The following NRXN1 variants were observed in gnomAD, a reference collection of about 807,000 sequenced individuals.
The protein encoded by NRXN1 is neurexin 1.
A neutral mutation model predicts 150.9 loss-of-function variants in NRXN1; 39 were observed. That is an observed-to-expected ratio of 0.26 (90% CI 0.20 to 0.34). NRXN1 has a LOEUF of 0.34. Ranked by LOEUF, NRXN1 falls within the 10% of genes least tolerant of loss-of-function variation. The probability of loss-of-function intolerance (pLI) is 1.00; values close to 1 mark genes in which losing one functional copy is unlikely to be tolerated. For synonymous variants in NRXN1, 924 were observed against 757.0 expected (o/e 1.22, Z -3.62); for missense variants, 1,815 against 1,949.9 (o/e 0.93, Z 1.30).
chr2:50,193,055 C>T (rs2061546627), intron 18 of NRXN1, among the ~76,000 whole-genome samples: 1 of 152,136 alleles, frequency 6.6e-6, no homozygotes, highest in Admixed American at 6.6e-5. Context: ...CATGTAAGAA[C>T]AATATTTTCC....
Position 50,346,900 on chromosome 2 carries a change from C to CCGCCGA in NRXN1, c.3365-109931_3365-109930insTCGGCG, listed in dbSNP as rs1488321830. On this transcript the variant is annotated intron_variant, in intron 17 of 22. Transcript: ENST00000401669. This position sits in a 1 kb window ranked among gnomAD's most constrained non-coding sequence, Gnocchi z 5.0. ...GCCGCCGCCGCCGCCGCCGCCGCCG[C>CCGCCGA]CCCCGGGCGAGCCCAGCTCGGCGCC... 3.9e-6 allele frequency: 5 copies of CCGCCGA among 1,296,702 alleles called. No individual in the cohort carries two copies. Among genetic ancestry groups the CCGCCGA allele is most frequent in the Non-Finnish European group, 3.9e-6 (4 of 1,024,250 alleles). The allele number at this position is 1,296,702 out of a possible 1,614,324, so 80.3% of individuals were successfully genotyped here.
At chr2:49,983,007 C>T (rs774376800) in intron 21 of NRXN1, among the ~76,000 whole-genome samples, 16 of 152,096 alleles carry the variant, frequency 1.1e-4, no homozygotes, top group Non-Finnish European at 1.8e-4. Context: ...ACGCCCTTTT[C>T]CCATTTAAAT....
chr2:50,860,258 G>GAA (rs370246861), intron 5 of NRXN1, among the ~76,000 whole-genome samples: 2 of 141,600 alleles, frequency 1.4e-5, no homozygotes, highest in African/African-American at 5.1e-5. Flanking sequence ...AACAACATCA[G>GAA]AAAAAAAAAA....
chr2:50,302,426 A>G (rs1280886026), intron 17 of NRXN1, among the ~76,000 whole-genome samples: 1 of 152,204 alleles, frequency 6.6e-6, no homozygotes, highest in Non-Finnish European at 1.5e-5. Context: ...CAGATTCAAG[A>G]TACATTTTGT....
chr2:50,474,507 T>C (rs73930557), intron 15 of NRXN1, among the ~76,000 whole-genome samples: 3,261 of 151,500 alleles, frequency 0.022, 48 homozygotes, highest in Middle Eastern at 0.061. Flanking sequence ...CAAGGAGTAA[T>C]GCAAACCTCT....
At chr2:50,430,687 C>G (rs979890928) in intron 17 of NRXN1, among the ~76,000 whole-genome samples, 1 of 152,078 alleles carries the variant, frequency 6.6e-6, no homozygotes, top group African/African-American at 2.4e-5. Flanking sequence ...TGTGAATTAC[C>G]AGTCTTAGTT....
intron 12 of NRXN1, among the ~76,000 whole-genome samples, chr2:50,523,450 A>T (rs1285676396): frequency 2.0e-5 from 3 of 152,088 alleles, no homozygotes; most frequent in Admixed American, 2.0e-4. Flanking sequence ...CTCTAAACTG[A>T]ATATTTACTT....
intron 21 of NRXN1, among the ~76,000 whole-genome samples, chr2:49,946,721 T>C (rs1672971961): frequency 6.6e-6 from 1 of 152,100 alleles, no homozygotes; most frequent in African/African-American, 2.4e-5. Context: ...TACTTTATAT[T>C]TCATATGGAA....
chr2:50,483,303 A>C (rs1377427209), intron 15 of NRXN1, among the ~76,000 whole-genome samples: 1 of 152,160 alleles, frequency 6.6e-6, no homozygotes, highest in African/African-American at 2.4e-5. Flanking sequence ...TGGAAAACTC[A>C]TGAATAATCC....
At chr2:49,971,026 T>C (rs181100395) in intron 21 of NRXN1, among the ~76,000 whole-genome samples, 62 of 152,296 alleles carry the variant, frequency 4.1e-4, no homozygotes, top group Admixed American at 3.4e-3. Flanking sequence ...ACAGCACTAA[T>C]TTTGATAGGG....
Position 50,332,267 on chromosome 2 carries a change from T to C in NRXN1, c.3365-95297A>G, listed in dbSNP as rs139263259. Among the ~76,000 whole-genome samples, 659 of 152,304 alleles carry C rather than the reference T, an allele frequency of 4.3e-3. 2 individuals carry two copies. Among genetic ancestry groups the C allele is most frequent in the African/African-American group, 0.015 (638 of 41,562 alleles). On this transcript the variant is annotated intron_variant, in intron 17 of 22. Coordinates refer to ENST00000401669, the MANE Select transcript of NRXN1 (RefSeq NM_001330078.2). ...GACTGAACATATTATTGCTTCTGTGTGAGTAGAAGAGGTTATTTAGAAATC... is the reference window on the plus strand; with the variant it reads ...GACTGAACATATTATTGCTTCTGTGCGAGTAGAAGAGGTTATTTAGAAATC...
intron 5 of NRXN1, among the ~76,000 whole-genome samples, chr2:50,654,658 T>G (rs1686147195): frequency 6.6e-6 from 1 of 152,054 alleles, no homozygotes; most frequent in African/African-American, 2.4e-5. Context: ...AGTGTAAAAG[T>G]GTTCCTATTT....
At chr2:50,097,710 G>T (rs1192849858) in intron 18 of NRXN1, among the ~76,000 whole-genome samples, 1 of 151,722 alleles carries the variant, frequency 6.6e-6, no homozygotes, top group Non-Finnish European at 1.5e-5. Context: ...CACGATCTCA[G>T]CTCTCTGCAA....
intron 21 of NRXN1, among the ~76,000 whole-genome samples, chr2:49,976,418 T>C (rs1037616353): frequency 2.6e-5 from 4 of 152,082 alleles, no homozygotes; most frequent in Non-Finnish European, 4.4e-5. Context: ...AGTTCAAAGG[T>C]AGGACTGAGA....
chr2:50,492,413 C>A (rs1345514824), intron 15 of NRXN1, among the ~76,000 whole-genome samples: 3 of 152,176 alleles, frequency 2.0e-5, no homozygotes, highest in Non-Finnish European at 4.4e-5. Context: ...CTACCCATTT[C>A]TGATCGTTTC....
intron 17 of NRXN1, among the ~76,000 whole-genome samples, chr2:50,262,117 G>A (rs923452990): frequency 6.6e-5 from 10 of 151,880 alleles, no homozygotes; most frequent in African/African-American, 2.4e-4. Context: ...AACATGCAAT[G>A]ACTTCTTTGG....
At position 50,508,750 on chromosome 2, in the gene NRXN1, C is replaced by A. The variant is rs570552474; in HGVS notation, c.2375-2133G>T. Reference sequence around the variant, plus strand: ...ATCTATGCAACAACTATTTCCATAACAACAGGCATAAAATCCAATTAAAAA... The same window carrying A: ...ATCTATGCAACAACTATTTCCATAAAAACAGGCATAAAATCCAATTAAAAA... On this transcript the variant is annotated intron_variant, in intron 12 of 22. Coordinates refer to ENST00000401669, the MANE Select transcript of NRXN1 (RefSeq NM_001330078.2). Among the ~76,000 whole-genome samples the A allele has an allele frequency of 8.8e-4, 134 of 152,232 alleles. 2 individuals carry two copies. The highest frequency in any genetic ancestry group is 3.1e-3 in the South Asian group (15 of 4,828).
At chr2:50,517,679 A>G (rs1376282526) in intron 12 of NRXN1, among the ~76,000 whole-genome samples, 1 of 152,144 alleles carries the variant, frequency 6.6e-6, no homozygotes, top group African/African-American at 2.4e-5. Context: ...CATACAGCCT[A>G]GTGGAACAAA....
chr2:50,777,591 C>T (rs1703821480), intron 5 of NRXN1, among the ~76,000 whole-genome samples: 1 of 152,134 alleles, frequency 6.6e-6, no homozygotes, highest in South Asian at 2.1e-4. Context: ...TTCCATTTTA[C>T]ATCCAATGTG....
Sources: allele counts gnomAD v4.1 joint callset (sites outside exome capture counted in the v4.1 genomes callset), GRCh38; gene constraint gnomAD v4.1.1; non-coding constraint Gnocchi (gnomAD v3.1); transcripts MANE v1.5; gene names NCBI Gene and HGNC (gene_info 2026-07-23, HGNC 2026-07-21).